Variants in GSE1 observed in about 807,000 individuals in gnomAD.
The protein encoded by GSE1 is genetic suppressor element 1.
GSE1 carries 32 observed loss-of-function variants against 112.6 expected under a neutral mutation model. That is an observed-to-expected ratio of 0.28 (90% confidence interval 0.21 to 0.38). The LOEUF (loss-of-function observed/expected upper bound fraction) is 0.38, where lower values mean the gene tolerates loss of function less well. Ranked by LOEUF, GSE1 falls within the 10% of genes least tolerant of loss-of-function variation. GSE1 has a pLI of 1.00. For missense variants in GSE1, 2,348 were observed against 1,699.2 expected (o/e 1.38, Z -6.71); for synonymous variants, 1,115 against 735.6 (o/e 1.52, Z -8.35).
intron 2 of GSE1, among the ~76,000 whole-genome samples, chr16:85,404,169 C>CG (rs2048193586): frequency 1.0e-5 from 1 of 96,764 alleles, no homozygotes; most frequent in Non-Finnish European, 2.2e-5. Flanking sequence ...CAGGGCCCCC[C>CG]GGATAATCCT....
intron 1 of GSE1, among the ~76,000 whole-genome samples, chr16:85,596,774 A>C (rs187972775): frequency 8.5e-5 from 13 of 152,240 alleles, no homozygotes; most frequent in African/African-American, 3.1e-4. Flanking sequence ...GGTAGCGCAC[A>C]GCTGTAATCC....
intron 2 of GSE1, among the ~76,000 whole-genome samples, chr16:85,445,321 T>C (rs2049481993): frequency 6.6e-6 from 1 of 152,148 alleles, no homozygotes; most frequent in African/African-American, 2.4e-5. Context: ...TGCTACCTGC[T>C]CCAGCGAACC....
chr16:85,319,676 C>G (rs2046059958), intron 1 of GSE1, among the ~76,000 whole-genome samples: 1 of 152,202 alleles, frequency 6.6e-6, no homozygotes. Context: ...TTAGTTCACT[C>G]TGTTTTCTCT....
At chr16:85,270,915 C>T (rs1446508909) in intron 1 of GSE1, among the ~76,000 whole-genome samples, 1 of 152,202 alleles carries the variant, frequency 6.6e-6, no homozygotes, top group Non-Finnish European at 1.5e-5. Context: ...GGCACACAGA[C>T]CTGGCTTCAC....
chr16:85,224,348 G>A (rs1051403289), intron 1 of GSE1, among the ~76,000 whole-genome samples: 6 of 144,974 alleles, frequency 4.1e-5, no homozygotes, highest in Non-Finnish European at 9.0e-5. Context: ...ACACAGGGGC[G>A]GATTCCAGGA....
rs554405869 is a variant in GSE1, at chr16:85,613,550, G to A, written c.7+152G>A. On this transcript the variant is annotated intron_variant, in intron 1 of 15. Coordinates refer to ENST00000253458, the MANE Select transcript of GSE1 (RefSeq NM_014615.5). ...TAGCGGCGATAAGAGCCGGGAGGGC[G>A]GGCAGGCGACCAAAGGCCACCCCCT... is the stretch of plus-strand genomic sequence containing the variant. The A allele has an allele frequency of 1.6e-5, 12 of 772,690 alleles. No individual in the cohort carries two copies. The South Asian group carries it at 1.7e-4, about 11-fold the overall frequency. 47.9% of individuals were successfully genotyped at this position (772,690 alleles called of 1,614,324 possible).
chr16:85,457,833 A>G (rs1236444471), intron 2 of GSE1, among the ~76,000 whole-genome samples: 1 of 152,264 alleles, frequency 6.6e-6, no homozygotes, highest in Non-Finnish European at 1.5e-5. Context: ...CAGTAAAAAT[A>G]ACAGCAACCA....
chr16:85,400,782 G>C (rs2048092207), intron 2 of GSE1, among the ~76,000 whole-genome samples: 1 of 143,390 alleles, frequency 7.0e-6, no homozygotes, highest in African/African-American at 2.6e-5. Flanking sequence ...GTGTGTCTCT[G>C]TGTGTGTGGT....
chr16:85,453,791 C>G (rs1383095246), intron 2 of GSE1, among the ~76,000 whole-genome samples: 1 of 152,202 alleles, frequency 6.6e-6, no homozygotes, highest in African/African-American at 2.4e-5. Context: ...CCATCCAGCT[C>G]TGGGCGGACC....
intron 2 of GSE1, among the ~76,000 whole-genome samples, chr16:85,504,939 T>C (rs1257361082): frequency 1.3e-5 from 2 of 152,224 alleles, no homozygotes; most frequent in Non-Finnish European, 2.9e-5. Flanking sequence ...AAGGAAGTTA[T>C]GACGATGAAG....
intron 2 of GSE1, among the ~76,000 whole-genome samples, chr16:85,475,139 C>G (rs1033975161): frequency 6.6e-6 from 1 of 152,246 alleles, no homozygotes; most frequent in Non-Finnish European, 1.5e-5. Context: ...GCCCCCTTCT[C>G]TTCCTGCCCC....
At chr16:85,670,786 C>T (rs189254474) in intron 14 of GSE1, 3 of 373,094 alleles carry the variant, frequency 8.0e-6, no homozygotes, top group Admixed American at 4.6e-5. Context: ...GTCTTTATTC[C>T]TGTGTATTGG....
At chr16:85,233,088 GC>G (rs903294174) in intron 1 of GSE1, among the ~76,000 whole-genome samples, 1 of 152,216 alleles carries the variant, frequency 6.6e-6, no homozygotes, top group African/African-American at 2.4e-5. Flanking sequence ...CTCCAAACAG[GC>G]CCCCCAGCTG....
intron 2 of GSE1, among the ~76,000 whole-genome samples, chr16:85,527,048 C>T (rs1268812813): frequency 6.6e-6 from 1 of 152,196 alleles, no homozygotes; most frequent in Non-Finnish European, 1.5e-5. Flanking sequence ...GAGGGGGTGG[C>T]CCTCTCCCTG....
intron 1 of GSE1, among the ~76,000 whole-genome samples, chr16:85,579,323 GA>G (rs2046355604): frequency 6.6e-6 from 1 of 152,198 alleles, no homozygotes; most frequent in South Asian, 2.1e-4. Flanking sequence ...CACTTCTTTT[GA>G]AATTCTGGCT....
At chr16:85,452,413 G>A (rs1465671763) in intron 2 of GSE1, among the ~76,000 whole-genome samples, 1 of 152,244 alleles carries the variant, frequency 6.6e-6, no homozygotes, top group African/African-American at 2.4e-5. Context: ...GCATCACCTA[G>A]GGACAGACTC....
intron 2 of GSE1, among the ~76,000 whole-genome samples, chr16:85,543,699 G>A (rs1008170913): frequency 6.6e-6 from 1 of 152,186 alleles, no homozygotes; most frequent in Non-Finnish European, 1.5e-5. Flanking sequence ...CCAAGAGAGG[G>A]CAGCTGTTGG....
intron 2 of GSE1, among the ~76,000 whole-genome samples, chr16:85,392,017 C>T (rs1022373097): frequency 2.0e-5 from 3 of 152,086 alleles, no homozygotes; most frequent in Non-Finnish European, 4.4e-5. Context: ...CTGGGAACTC[C>T]TCTCCTAGGG....
chr16:85,587,580 G>A (rs1301458405), intron 1 of GSE1, among the ~76,000 whole-genome samples: 1 of 152,100 alleles, frequency 6.6e-6, no homozygotes, highest in Non-Finnish European at 1.5e-5. Flanking sequence ...CCTGGGCGAG[G>A]TGGGGGCTTC....
Sources: gnomAD v4.1 joint callset for allele counts (sites outside exome capture counted in the v4.1 genomes callset) on GRCh38, gnomAD v4.1.1 for gene constraint, MANE v1.5 for transcripts, NCBI Gene and HGNC (gene_info 2026-07-23, HGNC 2026-07-21) for gene names.